RILPL1: variants seen among roughly 807,000 people sequenced by gnomAD.
RILPL1 encodes Rab interacting lysosomal protein like 1.
A neutral mutation model predicts 50.3 loss-of-function variants in RILPL1; 33 were observed. The ratio of observed to expected loss-of-function variants is 0.66; its 90% confidence interval spans 0.50 to 0.88. The LOEUF (loss-of-function observed/expected upper bound fraction) is 0.88. RILPL1 is among the 40% of genes least tolerant of loss of function. RILPL1 has a pLI of 0.00. For missense variants in RILPL1, 418 were observed against 542.5 expected, an observed-to-expected ratio of 0.77 and a Z score of 2.28; for synonymous variants, 205 against 228.6, an observed-to-expected ratio of 0.90 and a Z score of 0.93.
At chr12:123,480,158 CTT>C (rs957649286) in intron 6 of RILPL1, among the ~76,000 whole-genome samples, 3,418 of 116,884 alleles carry the variant, frequency 0.029, 66 homozygotes, top group Admixed American at 0.071. Flanking sequence ...AAGGCTGATT[CTT>C]TTTTTTTTTT....
In RILPL1 at chr12:123,475,861, G is replaced by A. The variant is rs988140759; in HGVS notation, c.1068-3179C>T. 278 of 641,832 alleles carry A rather than the reference G, an allele frequency of 4.3e-4. No homozygotes were observed. In the African/African-American group the frequency reaches 4.4e-3, roughly 10 times the overall value. The allele number at this position is 641,832 out of a possible 1,614,324, so 39.8% of individuals were successfully genotyped here. Reference sequence around the variant, plus strand: ...GGTTTGATTAGGGTCTAAGTTAGCGGTTGAATTGTGTCACCTGCCTCTAAA... The same window carrying A: ...GGTTTGATTAGGGTCTAAGTTAGCGATTGAATTGTGTCACCTGCCTCTAAA... On this transcript the variant is annotated intron_variant, in intron 6 of 6. Coordinates refer to ENST00000376874, the MANE Select transcript of RILPL1 (RefSeq NM_178314.5).
chr12:123,478,793 T>C (rs1881770642), intron 6 of RILPL1, among the ~76,000 whole-genome samples: 2 of 152,166 alleles, frequency 1.3e-5, no homozygotes, highest in Non-Finnish European at 2.9e-5. Flanking sequence ...TGTGCGTCCA[T>C]GGGACCATGA....
intron 4 of RILPL1, among the ~76,000 whole-genome samples, chr12:123,487,782 C>T (rs938759798): frequency 4.6e-5 from 7 of 152,146 alleles, no homozygotes; most frequent in Admixed American, 6.6e-5. Context: ...TGGTTGTATA[C>T]CTGGGAGTGG....
At chr12:123,531,172 G>C (rs1429421185) in intron 1 of RILPL1, among the ~76,000 whole-genome samples, 1 of 152,054 alleles carries the variant, frequency 6.6e-6, no homozygotes, top group Non-Finnish European at 1.5e-5. Context: ...GAAGTAAACG[G>C]GTCTGGGGCT....
intron 4 of RILPL1, among the ~76,000 whole-genome samples, chr12:123,493,267 A>T (rs1351121903): frequency 6.6e-6 from 1 of 152,228 alleles, no homozygotes; most frequent in African/African-American, 2.4e-5. Context: ...ATCTAAAAGC[A>T]CAGCACTTGA....
chr12:123,485,954 T>C lies in RILPL1; in HGVS notation c.802-149A>G. 1.4e-6 allele frequency: 1 copy of C among 731,532 alleles called. No homozygotes were observed. Among genetic ancestry groups the C allele is most frequent in the Non-Finnish European group, 2.1e-6 (1 of 471,420 alleles). 45.3% of individuals were successfully genotyped at this position (731,532 alleles called of 1,614,324 possible). On this transcript the variant is annotated intron_variant, in intron 4 of 6. Coordinates refer to ENST00000376874, the MANE Select transcript of RILPL1 (RefSeq NM_178314.5). This position sits in a 1 kb window ranked among gnomAD's most constrained non-coding sequence, Gnocchi z 4.0. ...TTCAGCACTCGCAGGCGGCCCTTGCTCACGTTCTGTACAGTTTCCCTCTGG... is the reference window on the plus strand; with the variant it reads ...TTCAGCACTCGCAGGCGGCCCTTGCCCACGTTCTGTACAGTTTCCCTCTGG...
chr12:123,489,004 A>G lies in RILPL1; in HGVS notation c.802-3199T>C, dbSNP rs1362602558. 6.6e-6 allele frequency among the ~76,000 whole-genome samples: 1 copy of G among 151,944 alleles called. No individual in the cohort carries two copies. Among genetic ancestry groups the G allele is most frequent in the Non-Finnish European group, 1.5e-5 (1 of 67,970 alleles). ...CTCCGGAACCACCCGGCAGCCACAC[A>G]CTCCATGTCTCCACCCAAGACCACA... On this transcript the variant is annotated intron_variant, in intron 4 of 6. Coordinates refer to ENST00000376874, the MANE Select transcript of RILPL1 (RefSeq NM_178314.5). The surrounding 1 kb of genome is among the most constrained non-coding windows in gnomAD (Gnocchi z 4.0).
intron 6 of RILPL1, chr12:123,475,907 T>A: frequency 2.0e-6 from 1 of 505,112 alleles, no homozygotes; most frequent in East Asian, 3.4e-5. Context: ...ATTTTTTTTT[T>A]TTTTTTTTTT....
At chr12:123,508,866 TC>T (rs1195005849) in intron 2 of RILPL1, among the ~76,000 whole-genome samples, 3 of 149,490 alleles carry the variant, frequency 2.0e-5, no homozygotes, top group Non-Finnish European at 4.4e-5. Context: ...AGCCCTCATC[TC>T]CAAAAAAAAA....
At chr12:123,478,802 G>A (rs894690516) in intron 6 of RILPL1, among the ~76,000 whole-genome samples, 4 of 152,184 alleles carry the variant, frequency 2.6e-5, no homozygotes. Context: ...ATGGGACCAT[G>A]ACTGAGAGAC....
At chr12:123,500,087 C>G (rs760789811) in intron 2 of RILPL1, among the ~76,000 whole-genome samples, 20 of 152,054 alleles carry the variant, frequency 1.3e-4, no homozygotes, top group Non-Finnish European at 2.8e-4. Flanking sequence ...CCCACCACCA[C>G]GCCCGGCTAA....
In RILPL1 at chr12:123,508,913, C is replaced by T. The variant is rs1024379813; in HGVS notation, c.461-9377G>A. On this transcript the variant is annotated intron_variant, in intron 2 of 6. Coordinates refer to ENST00000376874, the MANE Select transcript of RILPL1 (RefSeq NM_178314.5). ...AAAAAACAATAGCCAAGGCTGGGCG[C>T]GGTGACTCACACCTGTAATCCCAGC... Among the ~76,000 whole-genome samples, 21 of 151,158 alleles carry T rather than the reference C, an allele frequency of 1.4e-4. No homozygotes were observed. The South Asian group carries it at 2.5e-3, about 18-fold the overall frequency.
At chr12:123,526,317 T>TAAAAA (rs58426654) in intron 1 of RILPL1, among the ~76,000 whole-genome samples, 7 of 151,402 alleles carry the variant, frequency 4.6e-5, no homozygotes, top group Admixed American at 1.3e-4. Flanking sequence ...AAAAATAAAA[T>TAAAAA]TAAAATAAAA....
Position 123,472,338 on chromosome 12 carries a change from T to C in RILPL1, c.*200A>G. ...CATCTATTAGAAACAGTGATAGCCC[T>C]GGGTATAAATAAACATTTCTTTAGA... is the stretch of plus-strand genomic sequence containing the variant. On this transcript the variant is annotated 3_prime_UTR_variant, in exon 7 of 7. Transcript: ENST00000376874. 8.8e-6 allele frequency: 5 copies of C among 570,990 alleles called. No homozygotes were observed. The highest frequency in any genetic ancestry group is 1.6e-5 in the Non-Finnish European group (5 of 322,422). 35.4% of individuals were successfully genotyped at this position (570,990 alleles called of 1,614,324 possible).
chr12:123,499,726 G>C (rs528363551), intron 2 of RILPL1, among the ~76,000 whole-genome samples, 190 bp from the exon 3 acceptor site: 3 of 151,654 alleles, frequency 2.0e-5, no homozygotes, highest in Non-Finnish European at 4.4e-5. Context: ...GATTCCCCCC[G>C]AGGTCATTCC....
intron 1 of RILPL1, among the ~76,000 whole-genome samples, chr12:123,525,260 C>G (rs1420613230): frequency 6.6e-6 from 1 of 151,954 alleles, no homozygotes; most frequent in Non-Finnish European, 1.5e-5. Context: ...TTCTGTCACC[C>G]AGGCTGGAGT....
intron 1 of RILPL1, among the ~76,000 whole-genome samples, chr12:123,527,339 T>A (rs1276259882): frequency 6.8e-6 from 1 of 146,798 alleles, no homozygotes; most frequent in Non-Finnish European, 1.5e-5. Flanking sequence ...TTTTTTTTTT[T>A]ATAAAAAAGG....
rs1054891328 is a variant in RILPL1 at position 123,485,893 on chromosome 12, C to T, written c.802-88G>A. 7.3e-6 allele frequency: 10 copies of T among 1,367,646 alleles called. No homozygotes were observed. Among genetic ancestry groups the T allele is most frequent in the Admixed American group, 2.8e-5 (1 of 35,948 alleles). The allele number at this position is 1,367,646 out of a possible 1,614,324, so 84.7% of individuals were successfully genotyped here. A position where few individuals can be genotyped will look rare whatever the true frequency, so the allele number is the denominator to read the frequency against. The stretch of plus-strand genomic sequence containing the variant: ...TCCTGAAGGAGCCCAAATTCTCCCC[C>T]TCCCGGGGTGCCAGCAGCCTGTGGA... On this transcript the variant is annotated intron_variant, in intron 4 of 6. Transcript: ENST00000376874. This position sits in a 1 kb window ranked among gnomAD's most constrained non-coding sequence, Gnocchi z 4.0.
chr12:123,512,515 TG>T (rs1884392066), intron 2 of RILPL1, among the ~76,000 whole-genome samples: 1 of 142,782 alleles, frequency 7.0e-6, no homozygotes, highest in Non-Finnish European at 1.5e-5. Flanking sequence ...GATCTGTGTG[TG>T]TGTGAGGTCT....
Sources: gnomAD v4.1 joint callset for allele counts (sites outside exome capture counted in the v4.1 genomes callset) on GRCh38, gnomAD v4.1.1 for gene constraint, Gnocchi (gnomAD v3.1) non-coding constraint, MANE v1.5 for transcripts, NCBI Gene and HGNC (gene_info 2026-07-23, HGNC 2026-07-21) for gene names.